The following TRHDE variants were observed in gnomAD, a reference collection of about 807,000 sequenced individuals.
The protein encoded by TRHDE is thyrotropin releasing hormone degrading enzyme, also known as thyrotropin-releasing hormone-degrading ectoenzyme.
TRHDE carries 72 observed loss-of-function variants against 125.7 expected under a neutral mutation model. The ratio of observed to expected loss-of-function variants is 0.57; its 90% CI spans 0.47 to 0.70. TRHDE has a LOEUF of 0.70. Among genes scored for constraint, TRHDE ranks in the 30% least tolerant of loss-of-function variants. The probability of loss-of-function intolerance (pLI) is 0.00; values close to 1 mark genes in which losing one functional copy is unlikely to be tolerated. For synonymous variants in TRHDE, 509 were observed against 509.1 expected (o/e 1.00, Z 0.00); for missense variants, 1,110 against 1,327.1 (o/e 0.84, Z 2.54).
intron 6 of TRHDE, among the ~76,000 whole-genome samples, chr12:72,530,844 G>A (rs1868516648): frequency 6.6e-6 from 1 of 151,260 alleles, no homozygotes; most frequent in South Asian, 2.1e-4. Context: ...AGCAATAATG[G>A]GTATTTGATA....
intron 13 of TRHDE, 50 bp from the exon 14 acceptor site, chr12:72,621,058 A>G (rs772726595): frequency 1.1e-6 from 1 of 911,722 alleles, no homozygotes; most frequent in Non-Finnish European, 1.7e-6. Flanking sequence ...TTGTCAGCAT[A>G]CAGAAGTTTT....
At chr12:72,188,556 T>C (rs1055479679) in intron 2 of TRHDE, among the ~76,000 whole-genome samples, 2 of 151,884 alleles carry the variant, frequency 1.3e-5, no homozygotes, top group Admixed American at 6.6e-5. Flanking sequence ...TGGGAGAGAG[T>C]GGCCGGGTTT....
chr12:72,203,297 TA>T (rs1158890285), intron 2 of TRHDE, among the ~76,000 whole-genome samples: 1 of 151,902 alleles, frequency 6.6e-6, no homozygotes, highest in Non-Finnish European at 1.5e-5. Flanking sequence ...CCGTCTCTAC[TA>T]AAAAATCAAA....
intron 2 of TRHDE, among the ~76,000 whole-genome samples, chr12:72,166,971 G>A (rs554295617): frequency 1.4e-5 from 2 of 147,442 alleles, no homozygotes; most frequent in Non-Finnish European, 3.0e-5. Flanking sequence ...ATGGGCAATA[G>A]CTAATGGCTA....
chr12:72,609,254 C>T (rs928359095), intron 12 of TRHDE, among the ~76,000 whole-genome samples: 2 of 152,122 alleles, frequency 1.3e-5, no homozygotes, highest in Non-Finnish European at 2.9e-5. Flanking sequence ...CATGTAAAAG[C>T]ATTATGTACA....
At chr12:72,315,653 G>C (rs940074809) in intron 2 of TRHDE, among the ~76,000 whole-genome samples, 9 of 152,212 alleles carry the variant, frequency 5.9e-5, no homozygotes, top group Admixed American at 5.9e-4. Context: ...TGGAAAATGT[G>C]GTTGGCCACA....
chr12:72,115,430 T>C (rs1167027173), intron 2 of TRHDE, among the ~76,000 whole-genome samples: 1 of 152,156 alleles, frequency 6.6e-6, no homozygotes, highest in African/African-American at 2.4e-5. Flanking sequence ...TACCACACTT[T>C]GTTTATCCAT....
At chr12:72,599,458 T>G (rs1000924414) in intron 12 of TRHDE, among the ~76,000 whole-genome samples, 1 of 152,208 alleles carries the variant, frequency 6.6e-6, no homozygotes, top group African/African-American at 2.4e-5. Flanking sequence ...TGACTTGCAT[T>G]TCTCTGATGA....
chr12:72,317,073 A>G (rs555263949), intron 2 of TRHDE, among the ~76,000 whole-genome samples: 14 of 152,342 alleles, frequency 9.2e-5, no homozygotes, highest in South Asian at 6.2e-4. Flanking sequence ...TTTAGTTTTC[A>G]CAACAATTCT....
intron 2 of TRHDE, among the ~76,000 whole-genome samples, chr12:72,178,177 T>C (rs1489049696): frequency 6.6e-6 from 1 of 152,062 alleles, no homozygotes; most frequent in Non-Finnish European, 1.5e-5. Flanking sequence ...GAAAAACACA[T>C]AGGGAGAGTA....
intron 2 of TRHDE, among the ~76,000 whole-genome samples, chr12:72,259,259 T>C (rs562919141): frequency 3.7e-4 from 56 of 152,278 alleles, no homozygotes; most frequent in Middle Eastern, 3.4e-3. Context: ...CAGTGGATTA[T>C]AATCCACTAC....
At chr12:72,143,229 G>C (rs575374968) in intron 2 of TRHDE, among the ~76,000 whole-genome samples, 9 of 152,198 alleles carry the variant, frequency 5.9e-5, no homozygotes, top group African/African-American at 2.2e-4. Context: ...GCAGTGGGGT[G>C]ACCAAACAAA....
chr12:72,193,531 A>G (rs1465162793), intron 2 of TRHDE, among the ~76,000 whole-genome samples: 1 of 152,144 alleles, frequency 6.6e-6, no homozygotes, highest in Admixed American at 6.6e-5. Context: ...AGAGGCAGCT[A>G]TTTACAGCAT....
At chr12:72,148,876 T>C (rs1227914547) in intron 2 of TRHDE, among the ~76,000 whole-genome samples, 1 of 152,240 alleles carries the variant, frequency 6.6e-6, no homozygotes, top group Non-Finnish European at 1.5e-5. Flanking sequence ...GAACAAAGTA[T>C]GTCAGTATGA....
chr12:72,361,047 T>C (rs761950013), intron 2 of TRHDE, among the ~76,000 whole-genome samples: 1 of 151,866 alleles, frequency 6.6e-6, no homozygotes, highest in African/African-American at 2.4e-5. Context: ...TTCTCATTGT[T>C]CGGCTCCCAC....
At chr12:72,394,451 A>C (rs1429867809) in intron 3 of TRHDE, among the ~76,000 whole-genome samples, 2 of 152,172 alleles carry the variant, frequency 1.3e-5, no homozygotes, top group Non-Finnish European at 2.9e-5. Context: ...TCATAATCTC[A>C]AACATCCCAG....
At chr12:72,489,104 A>G (rs565907458) in intron 5 of TRHDE, among the ~76,000 whole-genome samples, 2 of 151,874 alleles carry the variant, frequency 1.3e-5, no homozygotes, top group South Asian at 4.1e-4. Context: ...GAAAAAGAAG[A>G]CCATACAAAA....
chr12:72,165,309 C>G (rs576900910), intron 2 of TRHDE, among the ~76,000 whole-genome samples: 1 of 152,322 alleles, frequency 6.6e-6, no homozygotes, highest in East Asian at 1.9e-4. Context: ...CTACCAACAT[C>G]TCACAAGCAC....
At chr12:72,517,362 T>C (rs888492733) in intron 6 of TRHDE, among the ~76,000 whole-genome samples, 18 of 152,102 alleles carry the variant, frequency 1.2e-4, no homozygotes, top group African/African-American at 3.9e-4. Flanking sequence ...TTCTTCCTGG[T>C]TTAGTCTTGG....
Sources: gnomAD v4.1 joint callset for allele counts (sites outside exome capture counted in the v4.1 genomes callset) on GRCh38, gnomAD v4.1.1 for gene constraint, MANE v1.5 for transcripts, NCBI Gene and HGNC (gene_info 2026-07-23, HGNC 2026-07-21) for gene names.